The following NOX4 variants were observed in gnomAD, a reference collection of about 807,000 sequenced individuals.
NOX4 encodes kidney oxidase-1.
Under a neutral mutation model 87.6 loss-of-function variants are expected in NOX4, and 69 were observed. The ratio of observed to expected loss-of-function variants is 0.79; its 90% confidence interval spans 0.65 to 0.96. The LOEUF (loss-of-function observed/expected upper bound fraction) is 0.96, where lower values mean the gene tolerates loss of function less well. Among genes scored for constraint, NOX4 ranks in the 40% least tolerant of loss-of-function variants. The pLI is 0.00. For missense variants in NOX4, 680 were observed against 681.5 expected, an observed-to-expected ratio of 1.00 and a Z score of 0.02; for synonymous variants, 275 against 238.2, an observed-to-expected ratio of 1.15 and a Z score of -1.42.
At chr11:89,582,428 T>C in the NOX4 span, among the ~76,000 whole-genome samples, 2,377 of 152,204 alleles carry the variant, frequency 0.016, 61 homozygotes, top group African/African-American at 0.054. Flanking sequence ...ATCAAATAAT[T>C]CTATTTTTAA....
chr11:89,374,864 A>G (rs537411963), intron 11 of NOX4, among the ~76,000 whole-genome samples: 1 of 152,324 alleles, frequency 6.6e-6, no homozygotes, highest in Non-Finnish European at 1.5e-5. Flanking sequence ...ATTGGGTTAC[A>G]TAAAGCAAGT....
At chr11:89,462,632 T>G (rs1266626514) in intron 2 of NOX4, among the ~76,000 whole-genome samples, 1 of 152,064 alleles carries the variant, frequency 6.6e-6, no homozygotes, top group African/African-American at 2.4e-5. Flanking sequence ...AGAAAAACAT[T>G]GGTTATCATA....
chr11:89,573,747 C>T, the NOX4 span, among the ~76,000 whole-genome samples: 1 of 152,152 alleles, frequency 6.6e-6, no homozygotes, highest in Non-Finnish European at 1.5e-5. Flanking sequence ...GGAAGAGATC[C>T]AAGTGGGCGA....
intron 8 of NOX4, among the ~76,000 whole-genome samples, chr11:89,415,954 T>C (rs1942743275): frequency 6.6e-6 from 1 of 152,126 alleles, no homozygotes; most frequent in African/African-American, 2.4e-5. Flanking sequence ...CTACAGTGTG[T>C]ATTATTTGAA....
intron 8 of NOX4, among the ~76,000 whole-genome samples, chr11:89,411,572 G>A (rs1383727531): frequency 6.6e-6 from 1 of 152,118 alleles, no homozygotes; most frequent in Non-Finnish European, 1.5e-5. Flanking sequence ...AATGAACATA[G>A]GCAGTAGCTA....
At chr11:89,573,993 C>G in the NOX4 span, among the ~76,000 whole-genome samples, 1 of 152,166 alleles carries the variant, frequency 6.6e-6, no homozygotes, top group Non-Finnish European at 1.5e-5. Flanking sequence ...TATTTTGCCT[C>G]TTAATGCATA....
chr11:89,504,177 G>A, the NOX4 span, among the ~76,000 whole-genome samples: 2 of 151,844 alleles, frequency 1.3e-5, no homozygotes, highest in South Asian at 4.1e-4. Flanking sequence ...GAAATAGCAT[G>A]AGCAAATTCA....
At chr11:89,407,733 A>C (rs1369376807) in intron 8 of NOX4, among the ~76,000 whole-genome samples, 1 of 152,078 alleles carries the variant, frequency 6.6e-6, no homozygotes, top group Non-Finnish European at 1.5e-5. Flanking sequence ...AATGAATCCT[A>C]CTAAGTAATA....
the NOX4 span, among the ~76,000 whole-genome samples, chr11:89,565,864 A>C: frequency 1.3e-5 from 2 of 152,064 alleles, no homozygotes; most frequent in East Asian, 3.9e-4. Context: ...CTTTAATATA[A>C]AAGTAAATTA....
chr11:89,548,966 A>C, the NOX4 span, among the ~76,000 whole-genome samples: 1 of 152,330 alleles, frequency 6.6e-6, no homozygotes, highest in African/African-American at 2.4e-5. Flanking sequence ...AAAGTCTCAT[A>C]AAGGTTTCAT....
At chr11:89,520,270 T>C in the NOX4 span, among the ~76,000 whole-genome samples, 23 of 152,220 alleles carry the variant, frequency 1.5e-4, 1 homozygote, top group South Asian at 2.5e-3. Context: ...TAATGTCATG[T>C]CATTTTTACG....
At chr11:89,391,687 C>T (rs948635819) in intron 11 of NOX4, among the ~76,000 whole-genome samples, 1 of 149,078 alleles carries the variant, frequency 6.7e-6, no homozygotes, top group Admixed American at 6.7e-5. Flanking sequence ...TTGGAGTGAG[C>T]CATGATCACA....
chr11:89,331,373 AAAAC>A (rs1386968435), intron 17 of NOX4, among the ~76,000 whole-genome samples: 1 of 151,912 alleles, frequency 6.6e-6, no homozygotes, highest in Non-Finnish European at 1.5e-5. Flanking sequence ...TTTATTAAGA[AAAAC>A]AGTCTGAAAT....
At chr11:89,360,319 C>T (rs1024016741) in intron 12 of NOX4, among the ~76,000 whole-genome samples, 3 of 151,968 alleles carry the variant, frequency 2.0e-5, no homozygotes, top group Admixed American at 1.3e-4. Flanking sequence ...GAAAAGACAC[C>T]GTTGCCAAGT....
At chr11:89,375,384 C>A (rs1486631771) in intron 11 of NOX4, among the ~76,000 whole-genome samples, 1 of 152,110 alleles carries the variant, frequency 6.6e-6, no homozygotes, top group East Asian at 1.9e-4. Flanking sequence ...CGGCTCAATG[C>A]AACCTCTGCC....
chr11:89,475,482 T>C (rs1946128416), intron 2 of NOX4, among the ~76,000 whole-genome samples: 1 of 152,114 alleles, frequency 6.6e-6, no homozygotes, highest in African/African-American at 2.4e-5. Context: ...ATGTTCATAC[T>C]GGAAAATGCA....
chr11:89,483,855 A>G (rs2135478166), intron 2 of NOX4, among the ~76,000 whole-genome samples: 1 of 152,286 alleles, frequency 6.6e-6, no homozygotes, highest in East Asian at 1.9e-4. Flanking sequence ...ATAATGTGGT[A>G]CACAATAAAT....
chr11:89,366,524 A>G (rs1014148492), intron 12 of NOX4, among the ~76,000 whole-genome samples: 3 of 151,836 alleles, frequency 2.0e-5, no homozygotes, highest in Non-Finnish European at 4.4e-5. Flanking sequence ...AAAAATATAA[A>G]AATTAGCCAG....
chr11:89,402,603 G>A (rs537470352), intron 8 of NOX4, 61 bp from the exon 9 acceptor site: 9 of 1,264,758 alleles, frequency 7.1e-6, no homozygotes, highest in African/African-American at 3.0e-5. Flanking sequence ...CAGGGGACAC[G>A]GTAAAAGAAA....
Sources: gnomAD v4.1 joint callset for allele counts (sites outside exome capture counted in the v4.1 genomes callset) on GRCh38, gnomAD v4.1.1 for gene constraint, MANE v1.5 for transcripts, NCBI Gene and HGNC (gene_info 2026-07-23, HGNC 2026-07-21) for gene names.